The following JMJD1C variants were observed in gnomAD, a reference collection of about 807,000 sequenced individuals.
JMJD1C encodes jumonji domain containing 1C, also known as jumonji domain-containing protein 1C.
JMJD1C carries 31 observed loss-of-function variants against 245.3 expected under a neutral mutation model. The ratio of observed to expected loss-of-function variants is 0.13; its 90% CI spans 0.09 to 0.17. The LOEUF (loss-of-function observed/expected upper bound fraction) is 0.17. JMJD1C is among the 10% of genes least tolerant of loss of function. The pLI is 1.00. For missense variants in JMJD1C, 2,691 were observed against 3,000.2 expected, an observed-to-expected ratio of 0.90 and a Z score of 2.41; for synonymous variants, 1,057 against 1,017.4, an observed-to-expected ratio of 1.04 and a Z score of -0.74.
chr10:63,367,163 A>G (rs558218153), intron 2 of JMJD1C, among the ~76,000 whole-genome samples: 2 of 152,334 alleles, frequency 1.3e-5, no homozygotes, highest in East Asian at 3.9e-4. Flanking sequence ...GAGTGGACCA[A>G]TGAGCCCCTG....
chr10:63,268,669 C>A, intron 2 of JMJD1C: 1 of 975,468 alleles, frequency 1.0e-6, no homozygotes, highest in Non-Finnish European at 1.2e-6. Flanking sequence ...GTACTTTGTT[C>A]TTGAGAATTT....
At chr10:63,343,958 G>A (rs1943593739) in intron 2 of JMJD1C, among the ~76,000 whole-genome samples, 1 of 151,962 alleles carries the variant, frequency 6.6e-6, no homozygotes, top group Non-Finnish European at 1.5e-5. Flanking sequence ...GGATCACTTG[G>A]GCCTGGGAGG....
intron 2 of JMJD1C, among the ~76,000 whole-genome samples, chr10:63,367,403 T>C (rs1443070036): frequency 1.3e-5 from 2 of 152,048 alleles, no homozygotes; most frequent in Admixed American, 6.6e-5. Context: ...TGCGCCACCA[T>C]GCCTGGCTAA....
At chr10:63,221,733 T>G (rs1325909888) in intron 3 of JMJD1C, among the ~76,000 whole-genome samples, 1 of 152,192 alleles carries the variant, frequency 6.6e-6, no homozygotes, top group Non-Finnish European at 1.5e-5. Flanking sequence ...TTTGTTTTTG[T>G]TTTTTGAGAC....
At chr10:63,224,496 G>A (rs1849008617) in intron 3 of JMJD1C, among the ~76,000 whole-genome samples, 1 of 152,052 alleles carries the variant, frequency 6.6e-6, no homozygotes, top group African/African-American at 2.4e-5. Context: ...TAAGTTACAG[G>A]GATTTCTGTT....
At position 63,370,134 on chromosome 10, in the gene JMJD1C, C is replaced by T. The variant is rs145451712; in HGVS notation, c.333+10184G>A. ...GACATGACTGCACAGGGAGAAGAGT[C>T]TGGACTCTACCCTAAACATCTCTTC... On this transcript the variant is annotated intron_variant, in intron 2 of 25. Coordinates refer to ENST00000399262, the MANE Select transcript of JMJD1C (RefSeq NM_032776.3). Among the ~76,000 whole-genome samples the T allele has an allele frequency of 5.8e-3, 886 of 152,326 alleles. 4 individuals are homozygous for T. Among genetic ancestry groups the T allele is most frequent in the Non-Finnish European group, 0.01 (690 of 68,026 alleles).
At chr10:63,269,005 G>C (rs963885380) in intron 2 of JMJD1C, 3 of 985,202 alleles carry the variant, frequency 3.0e-6, no homozygotes, top group Admixed American at 6.2e-5. Flanking sequence ...TCAGCACTGT[G>C]GTGTTAACGA....
chr10:63,491,503 T>A (rs1954174654), intron 1 of JMJD1C, among the ~76,000 whole-genome samples: 1 of 152,208 alleles, frequency 6.6e-6, no homozygotes, highest in Admixed American at 6.5e-5. Flanking sequence ...AGCTTACTTG[T>A]GGACTGTTTT....
intron 1 of JMJD1C, among the ~76,000 whole-genome samples, chr10:63,460,277 G>C (rs1452597648): frequency 6.6e-6 from 1 of 152,160 alleles, no homozygotes; most frequent in Non-Finnish European, 1.5e-5. Flanking sequence ...AGCATTTTGG[G>C]AGGCCAAGGT....
intron 2 of JMJD1C, among the ~76,000 whole-genome samples, chr10:63,375,635 T>C (rs748251451): frequency 8.6e-5 from 13 of 151,874 alleles, no homozygotes; most frequent in Non-Finnish European, 1.6e-4. Flanking sequence ...ACTGCAGCCA[T>C]GAACTCCTGG....
intron 1 of JMJD1C, among the ~76,000 whole-genome samples, chr10:63,398,057 T>C (rs986324028): frequency 2.4e-4 from 37 of 152,196 alleles, no homozygotes; most frequent in Non-Finnish European, 5.9e-5. Context: ...CTTCAACAAT[T>C]CTCAACTCAT....
At chr10:63,518,391 G>A (rs752288603) in intron 1 of JMJD1C, among the ~76,000 whole-genome samples, 1 of 152,136 alleles carries the variant, frequency 6.6e-6, no homozygotes, top group Admixed American at 6.5e-5. Context: ...CCCTAAATAA[G>A]AGTGGAAAAG....
chr10:63,378,014 T>G (rs2134480377), intron 2 of JMJD1C, among the ~76,000 whole-genome samples: 1 of 150,082 alleles, frequency 6.7e-6, no homozygotes, highest in South Asian at 2.1e-4. Flanking sequence ...ATGAGTTATC[T>G]CTTAGTAATA....
At chr10:63,280,738 C>G (rs1857285715) in intron 2 of JMJD1C, among the ~76,000 whole-genome samples, 1 of 152,118 alleles carries the variant, frequency 6.6e-6, no homozygotes, top group African/African-American at 2.4e-5. Context: ...CCAAACTCTT[C>G]ATAAACACTG....
chr10:63,319,232 G>C (rs1305128915), intron 2 of JMJD1C, among the ~76,000 whole-genome samples: 1 of 146,090 alleles, frequency 6.8e-6, no homozygotes, highest in Non-Finnish European at 1.5e-5. Flanking sequence ...ACTCCAGCCT[G>C]GGCGACAGAG....
chr10:63,337,176 C>T (rs758232845), intron 2 of JMJD1C, among the ~76,000 whole-genome samples: 1 of 151,714 alleles, frequency 6.6e-6, no homozygotes, highest in Non-Finnish European at 1.5e-5. Flanking sequence ...TTAAGAAATG[C>T]TTTGTAAAAT....
chr10:63,371,652 G>C (rs892310771), intron 2 of JMJD1C, among the ~76,000 whole-genome samples: 1 of 148,704 alleles, frequency 6.7e-6, no homozygotes, highest in Admixed American at 6.8e-5. Context: ...ATGAATCAAA[G>C]AGTATGAACT....
At position 63,511,193 on chromosome 10, in the gene JMJD1C, C is replaced by G. The variant is rs550125008; in HGVS notation, n.113+10545G>C. Among the ~76,000 whole-genome samples, 17 of 152,256 alleles carry G rather than the reference C, an allele frequency of 1.1e-4. No individual in the cohort carries two copies. In the East Asian group the frequency reaches 3.3e-3, roughly 29 times the overall value. On this transcript the variant is annotated intron_variant and non_coding_transcript_variant, in intron 1 of 3. Transcript: ENST00000633035. ...TTATTGATATAGTCTGGACTAGTAT[C>G]TATCATATTTATTACAGGTTTCTGT...
At chr10:63,424,592 G>A (rs544740247) in intron 1 of JMJD1C, among the ~76,000 whole-genome samples, 18 of 73,908 alleles carry the variant, frequency 2.4e-4, no homozygotes, top group South Asian at 5.8e-4. Flanking sequence ...CTGCAGCCTC[G>A]ACCTCCTGGG....
Sources: gnomAD v4.1 joint callset for allele counts (sites outside exome capture counted in the v4.1 genomes callset) on GRCh38, gnomAD v4.1.1 for gene constraint, MANE v1.5 for transcripts, NCBI Gene and HGNC (gene_info 2026-07-23, HGNC 2026-07-21) for gene names.